The following MGST1 variants were observed in gnomAD, a reference collection of about 807,000 sequenced individuals.
MGST1 encodes the protein microsomal glutathione S-transferase 1, also known as glutathione S-transferase 12.
Under a neutral mutation model 8.9 loss-of-function variants are expected in MGST1, and 5 were observed. That is an observed-to-expected ratio of 0.56 (90% CI 0.29 to 1.19). The LOEUF is 1.19. Ranked by LOEUF, MGST1 falls within the 50% of genes most tolerant of loss-of-function variation. The probability of loss-of-function intolerance (pLI) is 0.08; values close to 1 mark genes in which losing one functional copy is unlikely to be tolerated. For synonymous variants in MGST1, 54 were observed against 67.8 expected, an observed-to-expected ratio of 0.80 and a Z score of 1.00; for missense variants, 182 against 187.4, an observed-to-expected ratio of 0.97 and a Z score of 0.17.
At chr12:16,470,542 T>C (rs556870420) in intron 4 of MGST1, among the ~76,000 whole-genome samples, 3 of 152,318 alleles carry the variant, frequency 2.0e-5, no homozygotes, top group Admixed American at 6.5e-5. Flanking sequence ...CTTTCTGTAA[T>C]TTGTGTTGTG....
chr12:16,419,132 T>C (rs2137082136), intron 1 of MGST1, among the ~76,000 whole-genome samples: 1 of 152,306 alleles, frequency 6.6e-6, no homozygotes, highest in South Asian at 2.1e-4. Context: ...GGTCAGGTCA[T>C]CACCAATCTT....
In MGST1 at chr12:16,396,221, A is replaced by G. The variant is rs192072544; in HGVS notation, n.778+12617A>G. Among the ~76,000 whole-genome samples, 131 of 152,204 alleles carry G rather than the reference A, an allele frequency of 8.6e-4. 1 individual carries two copies. Among genetic ancestry groups the G allele is most frequent in the Non-Finnish European group, 2.1e-4 (14 of 68,004 alleles). On this transcript the variant is annotated intron_variant and non_coding_transcript_variant, in intron 1 of 1. Transcript: ENST00000359720. ...TCAATAGATGCAGAAAAAGCATTTG[A>G]CAAAAATCCAGCATCCCTCTATGAT...
Position 16,404,901 on chromosome 12 carries a change from ACT to A in MGST1, n.778+21303_778+21304del, listed in dbSNP as rs544431488. Among the ~76,000 whole-genome samples, 327 of 149,396 alleles carry A rather than the reference ACT, an allele frequency of 2.2e-3. 1 individual carries two copies. The highest frequency in any genetic ancestry group is 7.8e-3 in the African/African-American group (317 of 40,560). On this transcript the variant is annotated intron_variant and non_coding_transcript_variant, in intron 1 of 1. Transcript: ENST00000359720. ...TTGAGTGTGGATCTACTGGTGGCAA[ACT>A]CTCTCGGTTTTTGTCTTCTAAGAAC...
chr12:16,366,757 C>T (rs1020059055), downstream of MGST1, among the ~76,000 whole-genome samples: 1 of 151,954 alleles, frequency 6.6e-6, no homozygotes, highest in African/African-American at 2.4e-5. The surrounding 1 kb of genome is among the most constrained non-coding windows in gnomAD (Gnocchi z 4.0). Flanking sequence ...CCACCATCTC[C>T]CTTCATTCAG....
Position 16,394,546 on chromosome 12 carries a change from CTTTCTTTCTTTCTTTCTTTCTTTCTTTCT to C in MGST1, n.778+10944_778+10972del, listed in dbSNP as rs1940587218. Among the ~76,000 whole-genome samples, 12 of 59,456 alleles carry C rather than the reference CTTTCTTTCTTTCTTTCTTTCTTTCTTTCT, an allele frequency of 2.0e-4. 1 individual carries two copies. The allele number at this position is 59,456 out of a possible 152,430, so 39.0% of individuals were successfully genotyped here. ...TCTTTCTTTCTTTCTTTCTTTCTTT[CTTTCTTTCTTTCTTTCTTTCTTTCTTTCT>C]TCTCTCTGTCTCTCTTTTTTCTTTT... On this transcript the variant is annotated intron_variant and non_coding_transcript_variant, in intron 1 of 1. Transcript: ENST00000359720.
rs530957862 is a variant in MGST1 at position 16,513,502 on chromosome 12, A to G, written n.483-76026A>G. 28 of 469,540 alleles carry G rather than the reference A, an allele frequency of 6.0e-5. No individual in the cohort carries two copies. The East Asian group carries it at 1.5e-3, about 25-fold the overall frequency. The allele number at this position is 469,540 out of a possible 1,614,324, so 29.1% of individuals were successfully genotyped here. A position where few individuals can be genotyped will look rare whatever the true frequency, so the allele number is the denominator to read the frequency against. Reference sequence around the variant, plus strand: ...CAGCTCCTGGTGGACCCATGTGGAGATGGGACCACCAGATCCCATCCTTGG... The same window carrying G: ...CAGCTCCTGGTGGACCCATGTGGAGGTGGGACCACCAGATCCCATCCTTGG... On this transcript the variant is annotated intron_variant and non_coding_transcript_variant, in intron 4 of 4. Transcript: ENST00000538857. This position sits in a 1 kb window ranked among gnomAD's most constrained non-coding sequence, Gnocchi z 4.2.
chr12:16,371,889 A>T (rs1334620637), intron 3 of MGST1, among the ~76,000 whole-genome samples: 1 of 152,142 alleles, frequency 6.6e-6, no homozygotes, highest in Non-Finnish European at 1.5e-5. Context: ...CCATGAATTT[A>T]GTCAACTCAT....
At chr12:16,349,893 T>C (rs970491347) in intron 1 of MGST1, among the ~76,000 whole-genome samples, 2 of 152,110 alleles carry the variant, frequency 1.3e-5, no homozygotes, top group East Asian at 1.9e-4. Flanking sequence ...TACAGGCACC[T>C]GCCACCACGC....
intron 4 of MGST1, among the ~76,000 whole-genome samples, chr12:16,561,498 G>A (rs1266783807): frequency 6.6e-6 from 1 of 152,006 alleles, no homozygotes; most frequent in Non-Finnish European, 1.5e-5. Flanking sequence ...GCTCTCATGG[G>A]AAAGACCAAA....
chr12:16,441,600 A>G (rs758968588), downstream of MGST1, among the ~76,000 whole-genome samples: 2 of 151,822 alleles, frequency 1.3e-5, no homozygotes. Flanking sequence ...AGCCTTTTCA[A>G]ATCAGCTTCT....
chr12:16,562,691 G>A (rs1942446037), intron 4 of MGST1, among the ~76,000 whole-genome samples: 1 of 152,194 alleles, frequency 6.6e-6, no homozygotes, highest in African/African-American at 2.4e-5. Flanking sequence ...TGAGCTGCCT[G>A]CTATACTGTG....
intron 4 of MGST1, among the ~76,000 whole-genome samples, chr12:16,493,154 T>G (rs899712483): frequency 2.0e-5 from 3 of 152,188 alleles, no homozygotes; most frequent in African/African-American, 7.2e-5. Context: ...GTGACCATCT[T>G]AGTGGAACAG....
At chr12:16,506,490 A>G (rs537074948) in intron 4 of MGST1, among the ~76,000 whole-genome samples, 1 of 152,260 alleles carries the variant, frequency 6.6e-6, no homozygotes, top group Non-Finnish European at 1.5e-5. Flanking sequence ...AGAGACATAT[A>G]GAGAATTGTC....
At chr12:16,504,635 A>G (rs1172322739) in intron 4 of MGST1, among the ~76,000 whole-genome samples, 1 of 152,186 alleles carries the variant, frequency 6.6e-6, no homozygotes, top group Non-Finnish European at 1.5e-5. Flanking sequence ...AGTGGGGAGA[A>G]GTAAAAATGT....
In MGST1 at chr12:16,369,870, G is replaced by A. The variant is rs545593085; in HGVS notation, c.222-6252G>A. On this transcript the variant is annotated intron_variant, in intron 3 of 3. Coordinates refer to the MGST1 transcript ENST00000535309. The surrounding 1 kb of genome is among the most constrained non-coding windows in gnomAD (Gnocchi z 4.8). ...CTGCAATCATTACATCCACCAACAT[G>A]CCCTTGGCCAGAGAAAGTCACAGGG... 1.2e-4 allele frequency: 18 copies of A among 152,312 alleles called. No individual in the cohort carries two copies. Among genetic ancestry groups the A allele is most frequent in the Admixed American group, 8.5e-4 (13 of 15,298 alleles). 9.4% of individuals were successfully genotyped at this position (152,312 alleles called of 1,614,324 possible).
intron 1 of MGST1, among the ~76,000 whole-genome samples, chr12:16,422,893 G>A (rs762426777): frequency 5.3e-5 from 8 of 152,064 alleles, no homozygotes; most frequent in Non-Finnish European, 8.8e-5. Flanking sequence ...AGGTTGTCTT[G>A]TTACATGGAC....
chr12:16,431,962 C>T (rs1436667870), intron 1 of MGST1, among the ~76,000 whole-genome samples: 1 of 152,150 alleles, frequency 6.6e-6, no homozygotes, highest in East Asian at 1.9e-4. Context: ...ATTCCTATAG[C>T]ATTTATAAAA....
At chr12:16,461,262 A>T (rs1941218237) in intron 4 of MGST1, among the ~76,000 whole-genome samples, 1 of 151,862 alleles carries the variant, frequency 6.6e-6, no homozygotes, top group Non-Finnish European at 1.5e-5. Context: ...TTAAAGATGC[A>T]AATTATTATT....
chr12:16,412,988 T>C (rs1565449426), intron 1 of MGST1, among the ~76,000 whole-genome samples: 1 of 152,078 alleles, frequency 6.6e-6, no homozygotes, highest in Admixed American at 6.6e-5. Flanking sequence ...AAGCAGAACA[T>C]AGATAATATG....
Sources: gnomAD v4.1 joint callset for allele counts (sites outside exome capture counted in the v4.1 genomes callset) on GRCh38, gnomAD v4.1.1 for gene constraint, Gnocchi (gnomAD v3.1) non-coding constraint, MANE v1.5 for transcripts, NCBI Gene and HGNC (gene_info 2026-07-23, HGNC 2026-07-21) for gene names.